SVOPL: variants seen among roughly 807,000 people sequenced by gnomAD.
The protein encoded by SVOPL is SVOP like.
In SVOPL, 60 loss-of-function variants were observed where a neutral mutation model predicts 61.0. That is an observed-to-expected ratio of 0.98 (90% CI 0.80 to 1.22). The LOEUF (loss-of-function observed/expected upper bound fraction) is 1.22, where lower values mean the gene tolerates loss of function less well. Among genes scored for constraint, SVOPL ranks in the 50% most tolerant of loss-of-function variants. The pLI is 0.00. For synonymous variants in SVOPL, 279 were observed against 250.0 expected (o/e 1.12, Z -1.09); for missense variants, 662 against 643.9 (o/e 1.03, Z -0.30).
chr7:138,694,214 T>C (rs1189596222), intron 1 of SVOPL, among the ~76,000 whole-genome samples: 1 of 152,228 alleles, frequency 6.6e-6, no homozygotes, highest in African/African-American at 2.4e-5. Context: ...TACAACGATA[T>C]AGGTGGGCAT....
intron 7 of SVOPL, among the ~76,000 whole-genome samples, chr7:138,654,381 C>T (rs955171653): frequency 1.3e-5 from 2 of 151,916 alleles, no homozygotes; most frequent in African/African-American, 2.4e-5. Context: ...ATATGTAAAT[C>T]TATGTATCAA....
chr7:138,611,078 T>C (rs1798977899), intron 14 of SVOPL, among the ~76,000 whole-genome samples: 3 of 152,214 alleles, frequency 2.0e-5, no homozygotes, highest in Non-Finnish European at 4.4e-5. Flanking sequence ...GCAATAGTTA[T>C]TACTGATTAA....
intron 14 of SVOPL, among the ~76,000 whole-genome samples, chr7:138,601,015 G>T (rs1245801511): frequency 1.3e-5 from 2 of 152,114 alleles, no homozygotes; most frequent in African/African-American, 2.4e-5. Context: ...ACTTTGGGAG[G>T]CTGAGGCGGG....
At chr7:138,637,444 A>C (rs1181765151) in intron 9 of SVOPL, among the ~76,000 whole-genome samples, 5 of 3,578 alleles carry the variant, frequency 1.4e-3, no homozygotes, top group African/African-American at 5.6e-3. Context: ...ATATATATAG[A>C]TAGATAGATA....
intron 9 of SVOPL, among the ~76,000 whole-genome samples, chr7:138,630,967 A>C (rs1191482148): frequency 6.6e-6 from 1 of 151,568 alleles, no homozygotes; most frequent in Admixed American, 6.6e-5. Flanking sequence ...AAAAAAAAAA[A>C]AAGCAAGGAA....
chr7:138,672,156 G>C, intron 3 of SVOPL, 39 bp from the exon 4 acceptor site: 1 of 1,529,816 alleles, frequency 6.5e-7, no homozygotes, highest in South Asian at 1.2e-5. Context: ...CTAAGTGCCA[G>C]CTTGTCATCA....
intron 3 of SVOPL, among the ~76,000 whole-genome samples, chr7:138,674,137 G>A (rs1190568042): frequency 1.3e-5 from 2 of 151,866 alleles, no homozygotes; most frequent in Admixed American, 6.6e-5. Context: ...GCAGTGAGCT[G>A]AGATCACACC....
intron 1 of SVOPL, among the ~76,000 whole-genome samples, chr7:138,695,203 C>T (rs1428228228): frequency 6.6e-6 from 1 of 152,168 alleles, no homozygotes; most frequent in Non-Finnish European, 1.5e-5. Flanking sequence ...GAACTTGCAG[C>T]CTACTGTGGA....
At chr7:138,596,820 T>C (rs1197541451) in intron 14 of SVOPL, 7 of 1,120,988 alleles carry the variant, frequency 6.2e-6, no homozygotes, top group Non-Finnish European at 7.7e-6. Context: ...ATGGAAAAGA[T>C]GGGGGATCTG....
intron 13 of SVOPL, among the ~76,000 whole-genome samples, chr7:138,623,090 A>G (rs1167077967): frequency 6.6e-6 from 1 of 152,156 alleles, no homozygotes; most frequent in Non-Finnish European, 1.5e-5. Context: ...ACACTGCTAT[A>G]TTTACAGGAG....
chr7:138,689,564 G>GAAA, intron 1 of SVOPL: 1 of 322,128 alleles, frequency 3.1e-6, no homozygotes, highest in Non-Finnish European at 5.8e-6. Context: ...AGTAAAAAAA[G>GAAA]AAAAAAAAAA....
rs139707660 is a variant in SVOPL at position 138,621,080 on chromosome 7, C to T, written c.1319G>A (p.Arg440His). Reference protein sequence around the residue: ...LGMGTSGSLCRIGAMVAPFIS... With the variant: ...LGMGTSGSLCHIGAMVAPFIS... The stretch of plus-strand genomic sequence containing the variant: ...AAATGGTGCCACCATTGCACCAATG[C>T]GACACAGGGAGCCGCTGGTTCCCAT... The change falls in exon 14 of 16, where the codon CGC (arginine) becomes CAC (histidine). Residue 440 changes from arginine to histidine, a missense_variant. Physicochemically the swap from Arg to His is conservative, Grantham distance 29 (BLOSUM62 0). Coordinates refer to ENST00000674285, the MANE Select transcript of SVOPL (RefSeq NM_001139456.2). The T allele has an allele frequency of 1.0e-4, 164 of 1,613,504 alleles. No individual in the cohort carries two copies. The African/African-American group carries it at 2.0e-3, about 20-fold the overall frequency.
At chr7:138,670,557 C>T (rs1563132318) in intron 4 of SVOPL, among the ~76,000 whole-genome samples, 3 of 152,132 alleles carry the variant, frequency 2.0e-5, no homozygotes, top group Admixed American at 1.3e-4. Flanking sequence ...ATTTTCTACA[C>T]CACTATGATT....
chr7:138,644,980 T>A, intron 8 of SVOPL, 135 bp from the exon 9 acceptor site: 1 of 1,129,508 alleles, frequency 8.9e-7, no homozygotes, highest in South Asian at 1.6e-5. Flanking sequence ...AGGCATGCAA[T>A]GTAGCAGGTA....
chr7:138,662,341 C>T, intron 5 of SVOPL: 2 of 985,430 alleles, frequency 2.0e-6, no homozygotes, highest in Non-Finnish European at 2.4e-6. Context: ...TCATTTGTGG[C>T]CAGTTCCTGC....
chr7:138,677,849 G>A (rs557169072), intron 3 of SVOPL, among the ~76,000 whole-genome samples: 4 of 147,054 alleles, frequency 2.7e-5, no homozygotes, highest in East Asian at 2.1e-4. Context: ...TGCAACCTCC[G>A]CCTCCTGGGT....
chr7:138,678,041 C>T (rs1455595267), intron 3 of SVOPL, among the ~76,000 whole-genome samples: 3 of 152,164 alleles, frequency 2.0e-5, no homozygotes, highest in Non-Finnish European at 2.9e-5. Context: ...GCTGGGATTG[C>T]AGGTGTCAGC....
At chr7:138,693,605 GAAAA>G (rs1230360419) in intron 1 of SVOPL, among the ~76,000 whole-genome samples, 2 of 140,486 alleles carry the variant, frequency 1.4e-5, no homozygotes, top group African/African-American at 2.7e-5. Context: ...AGGAAAGAAA[GAAAA>G]AAGAAAGAAA....
intron 5 of SVOPL, chr7:138,662,097 A>C: frequency 1.0e-6 from 1 of 985,428 alleles, no homozygotes; most frequent in Non-Finnish European, 1.2e-6. Context: ...GCTTCTTTAT[A>C]AACTCTCTCA....
Sources: gnomAD v4.1 joint callset for allele counts (sites outside exome capture counted in the v4.1 genomes callset) on GRCh38, gnomAD v4.1.1 for gene constraint, MANE v1.5 for transcripts, NCBI Gene and HGNC (gene_info 2026-07-23, HGNC 2026-07-21) for gene names.